NUDT9: variants seen among roughly 807,000 people sequenced by gnomAD.
The protein encoded by NUDT9 is ADP-ribose pyrophosphatase.
In NUDT9, 31 loss-of-function variants were observed where a neutral mutation model predicts 41.0. The ratio of observed to expected loss-of-function variants is 0.76; its 90% confidence interval spans 0.57 to 1.02. The LOEUF (loss-of-function observed/expected upper bound fraction) is 1.02, where lower values mean the gene tolerates loss of function less well. NUDT9 is among the 50% of genes least tolerant of loss of function. NUDT9 has a pLI of 0.00. For synonymous variants in NUDT9, 146 were observed against 147.6 expected, an observed-to-expected ratio of 0.99 and a Z score of 0.08; for missense variants, 380 against 431.4, an observed-to-expected ratio of 0.88 and a Z score of 1.06.
chr4:87,431,267 C>T (rs890970720), intron 1 of NUDT9, among the ~76,000 whole-genome samples: 3 of 152,172 alleles, frequency 2.0e-5, no homozygotes, highest in Non-Finnish European at 4.4e-5. Flanking sequence ...TTTCTGGGTT[C>T]TACTTCTATT....
chr4:87,425,489 G>A (rs1475956382), intron 1 of NUDT9, among the ~76,000 whole-genome samples: 1 of 146,872 alleles, frequency 6.8e-6, no homozygotes, highest in Admixed American at 6.9e-5. Context: ...CCGCCTCCCA[G>A]GTTCTAGTGA....
chr4:87,450,378 CTTT>C (rs59228872), intron 5 of NUDT9, among the ~76,000 whole-genome samples: 164 of 102,334 alleles, frequency 1.6e-3, no homozygotes, highest in African/African-American at 5.8e-3. Context: ...TTTTCTTTTT[CTTT>C]TTTTTTTTTT....
chr4:87,443,151 A>C (rs1722287478), intron 4 of NUDT9, among the ~76,000 whole-genome samples: 1 of 152,152 alleles, frequency 6.6e-6, no homozygotes, highest in Non-Finnish European at 1.5e-5. Context: ...TGACATCATT[A>C]GGTGATAGGA....
chr4:87,449,893 C>T, intron 5 of NUDT9, among the ~76,000 whole-genome samples: 1 of 151,984 alleles, frequency 6.6e-6, no homozygotes. Context: ...GACAGAGTCT[C>T]ACTCTGTTGC....
At chr4:87,431,883 G>A (rs564974268) in intron 1 of NUDT9, among the ~76,000 whole-genome samples, 15 of 152,088 alleles carry the variant, frequency 9.9e-5, no homozygotes, top group African/African-American at 3.6e-4. Flanking sequence ...ACAGGGTTTC[G>A]CCATGTTGGC....
chr4:87,447,431 G>A (rs1361437789), intron 4 of NUDT9, among the ~76,000 whole-genome samples: 6 of 151,604 alleles, frequency 4.0e-5, no homozygotes, highest in African/African-American at 1.2e-4. Flanking sequence ...TTCATCCAGA[G>A]TAATACTTAT....
At chr4:87,450,381 T>C (rs1481904390) in intron 5 of NUDT9, among the ~76,000 whole-genome samples, 2 of 135,294 alleles carry the variant, frequency 1.5e-5, no homozygotes, top group Non-Finnish European at 3.1e-5. Flanking sequence ...TCTTTTTCTT[T>C]TTTTTTTTTT....
intron 3 of NUDT9, among the ~76,000 whole-genome samples, chr4:87,440,386 C>G (rs2110174620): frequency 6.6e-6 from 1 of 152,322 alleles, no homozygotes; most frequent in South Asian, 2.1e-4. Context: ...GCTTATTACT[C>G]TCTCTTTGCG....
At chr4:87,446,288 G>A (rs1216201225) in intron 4 of NUDT9, among the ~76,000 whole-genome samples, 9 of 129,008 alleles carry the variant, frequency 7.0e-5, no homozygotes, top group Non-Finnish European at 1.4e-4. Flanking sequence ...TAGCTCTGTC[G>A]CCCAGGCTGG....
chr4:87,456,589 A>G (rs573142742), intron 7 of NUDT9, among the ~76,000 whole-genome samples: 21 of 152,126 alleles, frequency 1.4e-4, no homozygotes, highest in Non-Finnish European at 2.6e-4. Context: ...GGTATGGCTG[A>G]CCCCCTAGGA....
chr4:87,447,071 G>A (rs1303769871), intron 4 of NUDT9, among the ~76,000 whole-genome samples: 4 of 152,282 alleles, frequency 2.6e-5, no homozygotes, highest in African/African-American at 7.2e-5. Flanking sequence ...GAATCTTGTC[G>A]TATAAGCCTG....
intron 1 of NUDT9, among the ~76,000 whole-genome samples, chr4:87,427,465 T>G (rs1366201496): frequency 6.6e-6 from 1 of 152,250 alleles, no homozygotes; most frequent in Non-Finnish European, 1.5e-5. Flanking sequence ...TTCTTTTTTC[T>G]GGTACCTTAC....
intron 3 of NUDT9, among the ~76,000 whole-genome samples, chr4:87,440,194 CTT>C (rs1365410568): frequency 6.6e-6 from 1 of 152,106 alleles, no homozygotes; most frequent in African/African-American, 2.4e-5. Context: ...AATGAAGTCT[CTT>C]TGACTAATAG....
At chr4:87,431,873 A>T (rs1721702699) in intron 1 of NUDT9, among the ~76,000 whole-genome samples, 1 of 152,098 alleles carries the variant, frequency 6.6e-6, no homozygotes, top group South Asian at 2.1e-4. Context: ...TTTAGTAGAG[A>T]CAGGGTTTCG....
chr4:87,434,864 CTACCTCGGCCT>C (rs1721848270), intron 1 of NUDT9, 106 bp from the exon 2 acceptor site: 2 of 820,856 alleles, frequency 2.4e-6, no homozygotes, highest in Admixed American at 2.8e-5. Context: ...GGTGATCCAC[CTACCTCGGCCT>C]CACAAAGTGC....
chr4:87,440,700 G>T lies in NUDT9; in HGVS notation c.444-1129G>T, dbSNP rs999545438. Among the ~76,000 whole-genome samples, 4 of 152,144 alleles carry T rather than the reference G, an allele frequency of 2.6e-5. No homozygotes were observed. In the East Asian group the frequency reaches 7.7e-4, roughly 29 times the overall value. ...GTCTCTACTAAAAATGCGAAAATTA[G>T]CTGGGCGTGGTGGTGCATGCCTGTA... is the stretch of plus-strand genomic sequence containing the variant. On this transcript the variant is annotated intron_variant, in intron 3 of 7. Transcript: ENST00000302174.
intron 5 of NUDT9, among the ~76,000 whole-genome samples, chr4:87,450,563 G>C (rs1722668304): frequency 6.6e-6 from 1 of 151,464 alleles, no homozygotes; most frequent in Non-Finnish European, 1.5e-5. Context: ...ATTTTTAGTA[G>C]AGACAGGGTT....
chr4:87,422,734 T>C lies in NUDT9; in HGVS notation c.-172T>C. ...GTGGACTCTTATCGTGGGAGGGCTCTTGATCTGTGATTTATAGATAGGCAC... is the reference window on the plus strand; with the variant it reads ...GTGGACTCTTATCGTGGGAGGGCTCCTGATCTGTGATTTATAGATAGGCAC... On this transcript the variant is annotated 5_prime_UTR_variant, in exon 1 of 8. Coordinates refer to ENST00000302174, the MANE Select transcript of NUDT9 (RefSeq NM_024047.5). The C allele has an allele frequency of 3.9e-6, 2 of 519,108 alleles. No individual in the cohort carries two copies. Among genetic ancestry groups the C allele is most frequent in the South Asian group, 5.2e-5 (2 of 38,472 alleles). 32.2% of individuals were successfully genotyped at this position (519,108 alleles called of 1,614,324 possible).
At chr4:87,438,400 A>G (rs1722052746) in intron 3 of NUDT9, 28 bp downstream of exon 3, 2 of 1,244,860 alleles carry the variant, frequency 1.6e-6, no homozygotes, top group Non-Finnish European at 2.4e-6. Context: ...AGCATCTTAC[A>G]ATAATGAGTC....
Sources: gnomAD v4.1 joint callset for allele counts (sites outside exome capture counted in the v4.1 genomes callset) on GRCh38, gnomAD v4.1.1 for gene constraint, MANE v1.5 for transcripts, NCBI Gene and HGNC (gene_info 2026-07-23, HGNC 2026-07-21) for gene names.